Variants in SPATA20 observed in about 807,000 individuals in gnomAD.
SPATA20 encodes spermatogenesis associated 20.
A neutral mutation model predicts 98.9 loss-of-function variants in SPATA20; 74 were observed. The ratio of observed to expected loss-of-function variants is 0.75; its 90% CI spans 0.62 to 0.91. The LOEUF (loss-of-function observed/expected upper bound fraction) is 0.91, where lower values mean the gene tolerates loss of function less well. Among genes scored for constraint, SPATA20 ranks in the 40% least tolerant of loss-of-function variants. The pLI is 0.00. For synonymous variants in SPATA20, 430 were observed against 440.5 expected (o/e 0.98, Z 0.30); for missense variants, 1,016 against 1,069.8 (o/e 0.95, Z 0.70).
At chr17:50,551,731 C>T (rs2144064215) in intron 13 of SPATA20, 52 bp downstream of exon 13, 3 of 1,542,090 alleles carry the variant, frequency 1.9e-6, no homozygotes, top group Non-Finnish European at 2.6e-6. Flanking sequence ...CGTCCCCAGC[C>T]TACCTCTGCC....
rs565106961 is a variant in SPATA20, at chr17:50,549,940, C to T, written c.863-45C>T. 3.3e-6 allele frequency: 5 copies of T among 1,519,968 alleles called. No homozygotes were observed. In the Admixed American group the frequency reaches 1.1e-4, roughly 32 times the overall value. 94.2% of individuals were successfully genotyped at this position (1,519,968 alleles called of 1,614,324 possible). On this transcript the variant is annotated intron_variant, in intron 7 of 16. Coordinates refer to ENST00000006658, the MANE Select transcript of SPATA20 (RefSeq NM_022827.4). ...CTCCTGACCACCCCGATCTCTGTCC[C>T]CACTTTCCCATTCTCTCACCTGCAT...
chr17:50,551,621 G>T lies in SPATA20; in HGVS notation c.1687G>T (p.Ala563Ser). The T allele has an allele frequency of 6.2e-7, 1 of 1,604,078 alleles. No homozygotes were observed. The highest frequency in any genetic ancestry group is 8.5e-7 in the Non-Finnish European group (1 of 1,172,168). The change falls in exon 13 of 17, where the codon GCC (alanine) becomes TCC (serine). Residue 563 changes from alanine to serine, a missense_variant. By Grantham distance (99) the Ala-to-Ser change is moderately conservative. Transcript: ENST00000006658. ...CCTGAAGCGGCACATGTTTGATGTG[G>T]CCAGTGGCCGCCTGATGCGGACCTG... is the stretch of plus-strand genomic sequence containing the variant. ...KFLKRHMFDV[A>S]SGRLMRTCYT...
Position 50,555,581 on chromosome 17 carries a change from C to T in SPATA20, c.2328C>T (p.Ala776=), listed in dbSNP as rs376087219. ...LSTLRRLEDQ[A]TAYVCENQAC... ...CCCTCCGACGGTTGGAAGACCAGGCCACTGCATATGTGTGTGAGAATCAAG... is the reference window on the plus strand; with the variant it reads ...CCCTCCGACGGTTGGAAGACCAGGCTACTGCATATGTGTGTGAGAATCAAG... The change falls in exon 17 of 17, where the codon GCC becomes GCT. Residue 776 remains alanine, a synonymous_variant. Transcript: ENST00000006658. The T allele has an allele frequency of 3.1e-6, 5 of 1,614,092 alleles. No homozygotes were observed. Among genetic ancestry groups the T allele is most frequent in the Non-Finnish European group, 3.4e-6 (4 of 1,180,002 alleles).
In SPATA20 at chr17:50,548,580, A is replaced by G; in HGVS notation, c.323A>G (p.Asp108Gly). Residue 108 changes from aspartate to glycine, a missense_variant, in exon 4 of 17, where the codon GAC becomes GGC. Coordinates refer to ENST00000006658, the MANE Select transcript of SPATA20 (RefSeq NM_022827.4). The part of the protein sequence containing the change: ...DWYPWGQEAF[D>G]KARKENKPIF... The stretch of plus-strand genomic sequence containing the variant: ...TACCCCTGGGGACAGGAAGCCTTCG[A>G]CAAGGCCAGGAAGGAAAACAAGCCG... 6.2e-7 allele frequency: 1 copy of G among 1,613,640 alleles called. No homozygotes were observed. Among genetic ancestry groups the G allele is most frequent in the Non-Finnish European group, 8.5e-7 (1 of 1,179,858 alleles).
Position 50,549,308 on chromosome 17 carries a change from T to C in SPATA20, c.683T>C (p.Leu228Pro), listed in dbSNP as rs1156541720. The C allele has an allele frequency of 1.2e-6, 2 of 1,612,296 alleles. No homozygotes were observed. Among genetic ancestry groups the C allele is most frequent in the African/African-American group, 1.3e-5 (1 of 74,914 alleles). Residue 228 changes from leucine (L) to proline (P), a missense_variant, in exon 7 of 17, where the codon CTG becomes CCG. Coordinates refer to ENST00000006658, the MANE Select transcript of SPATA20 (RefSeq NM_022827.4). ...REQWKQNKNT[L>P]LENSQRVTTA... Reference sequence around the variant, plus strand: ...CAGTGGAAACAGAACAAGAACACCCTGCTAGAAAATAGCCAGCGTGTCACC... The same window carrying C: ...CAGTGGAAACAGAACAAGAACACCCCGCTAGAAAATAGCCAGCGTGTCACC...
rs182096575 is a variant in SPATA20 at position 50,554,453 on chromosome 17, G to A, written c.2157+3G>A. 3.5e-5 allele frequency: 56 copies of A among 1,609,094 alleles called. No homozygotes were observed. The highest frequency in any genetic ancestry group is 1.8e-4 in the East Asian group (8 of 44,884). ...CCCAGCAGCAGACCCTCAAGCAGGTGGGGGGTGAGGGCATCTGGGCTGGGA... is the reference window on the plus strand; with the variant it reads ...CCCAGCAGCAGACCCTCAAGCAGGTAGGGGGTGAGGGCATCTGGGCTGGGA... On this transcript the variant is annotated splice_donor_region_variant and intron_variant, in intron 15 of 16. Transcript: ENST00000006658.
rs1411730674 is a variant in SPATA20 at position 50,547,294 on chromosome 17, G to A, written c.77+9G>A. ...CTCGCCGCGAGCCGCAGGTACGGGC[G>A]GGCGAGCGGGCCCCTAGGGCACTCC... On this transcript the variant is annotated intron_variant, in intron 1 of 16. Coordinates refer to ENST00000006658, the MANE Select transcript of SPATA20 (RefSeq NM_022827.4). 4 of 1,376,002 alleles carry A rather than the reference G, an allele frequency of 2.9e-6. No homozygotes were observed. Among genetic ancestry groups the A allele is most frequent in the Non-Finnish European group, 3.7e-6 (4 of 1,072,180 alleles). 85.2% of individuals were successfully genotyped at this position (1,376,002 alleles called of 1,614,324 possible). A position where few individuals can be genotyped will look rare whatever the true frequency, so the allele number is the denominator to read the frequency against.
intron 5 of SPATA20, 28 bp from the exon 6 acceptor site, chr17:50,549,015 C>CCCCTCA: frequency 6.2e-7 from 1 of 1,613,914 alleles, no homozygotes; most frequent in Admixed American, 1.7e-5. Flanking sequence ...CAGAGCAGCT[C>CCCCTCA]CCCTCACCCT....
chr17:50,553,816 G>A (rs1298904927), intron 14 of SPATA20, among the ~76,000 whole-genome samples: 1 of 152,210 alleles, frequency 6.6e-6, no homozygotes, highest in African/African-American at 2.4e-5. Flanking sequence ...AGTCCAGGCA[G>A]GCATTGGTGA....
chr17:50,547,906 G>A (rs2034939927), intron 2 of SPATA20, 139 bp downstream of exon 2: 2 of 1,427,686 alleles, frequency 1.4e-6, no homozygotes, highest in Admixed American at 2.0e-5. Flanking sequence ...ACCCAGGCCT[G>A]CCAGAGAGAT....
Position 50,551,505 on chromosome 17 carries a change from C to T in SPATA20, c.1577-6C>T, listed in dbSNP as rs189896918. ...TCTTACCACTACTTGTCTCTCCTGG[C>T]TCCAGGCTTGATGGTGTCAGGCTAT... On this transcript the variant is annotated splice_polypyrimidine_tract_variant and splice_region_variant and intron_variant, in intron 12 of 16. Transcript: ENST00000006658. 5.7e-6 allele frequency: 9 copies of T among 1,588,896 alleles called. No individual in the cohort carries two copies. Among genetic ancestry groups the T allele is most frequent in the South Asian group, 5.5e-5 (5 of 90,218 alleles).
chr17:50,547,176 C>A lies in SPATA20; in HGVS notation c.-33C>A. On this transcript the variant is annotated 5_prime_UTR_variant, in exon 1 of 17. Coordinates refer to ENST00000006658, the MANE Select transcript of SPATA20 (RefSeq NM_022827.4). Reference sequence around the variant, plus strand: ...GCAGCCTCCTGACTTCCCTTCCTGTCCTCAGCGGCCGGGCCCACGGCCCCG... The same window carrying A: ...GCAGCCTCCTGACTTCCCTTCCTGTACTCAGCGGCCGGGCCCACGGCCCCG... The A allele has an allele frequency of 7.1e-7, 1 of 1,411,158 alleles. No homozygotes were observed. The highest frequency in any genetic ancestry group is 1.5e-5 in the South Asian group (1 of 66,430). 87.4% of individuals were successfully genotyped at this position (1,411,158 alleles called of 1,614,324 possible).
intron 15 of SPATA20, 32 bp downstream of exon 15, chr17:50,554,482 C>A (rs779349351): frequency 6.2e-7 from 1 of 1,600,362 alleles, no homozygotes; most frequent in Non-Finnish European, 8.5e-7. Context: ...GCTGGGACCT[C>A]GGGTAGGAGG....
chr17:50,548,195 G>T (rs763341472), intron 2 of SPATA20, 88 bp from the exon 3 acceptor site: 1 of 1,535,086 alleles, frequency 6.5e-7, no homozygotes, highest in Non-Finnish European at 8.7e-7. Flanking sequence ...TCCTACTGGG[G>T]TGCTGAGTGA....
At chr17:50,547,313 G>A (rs1172043498) in intron 1 of SPATA20, 28 bp downstream of exon 1, 1 of 1,406,400 alleles carries the variant, frequency 7.1e-7, no homozygotes, top group Non-Finnish European at 9.2e-7. Context: ...GGCCCCTAGG[G>A]CACTCCCTGC....
Position 50,548,350 on chromosome 17 carries a change from G to A in SPATA20, c.193G>A (p.Gly65Arg). 7.4e-6 allele frequency: 12 copies of A among 1,612,858 alleles called. No homozygotes were observed. Among genetic ancestry groups the A allele is most frequent in the Non-Finnish European group, 1.0e-5 (12 of 1,179,572 alleles). The change falls in exon 3 of 17, where the codon GGG becomes AGG. Residue 65 changes from glycine to arginine, a missense_variant. Gly to Arg is a moderately radical substitution (Grantham distance 125, BLOSUM62 -2). Coordinates refer to ENST00000006658, the MANE Select transcript of SPATA20 (RefSeq NM_022827.4). ...TAGTTCAGTGCCCATGCCTGCTGGA[G>A]GGAAAGGAAGCCATCCTTCATCTAC... is the stretch of plus-strand genomic sequence containing the variant. ...VSSSVPMPAG[G>R]KGSHPSSTPQ...
chr17:50,548,106 C>A, intron 2 of SPATA20, 177 bp from the exon 3 acceptor site: 1 of 1,506,542 alleles, frequency 6.6e-7, no homozygotes, highest in Admixed American at 2.2e-5. Flanking sequence ...CTCCTCACCC[C>A]CCAAAAAACA....
chr17:50,547,725 C>A lies in SPATA20; in HGVS notation c.83C>A (p.Pro28His). Residue 28 changes from proline (P) to histidine (H), a missense_variant, in exon 2 of 17, where the codon CCT becomes CAT. Coordinates refer to ENST00000006658, the MANE Select transcript of SPATA20 (RefSeq NM_022827.4). ...TGAGGTCTCTGATTCCCTAGGTGTC[C>A]TGGAGTCTGGCCCAGGACCTGGCCC... Reference protein sequence around the residue: ...GAGLAASRRCPGVWPRTWPHR... With the variant: ...GAGLAASRRCHGVWPRTWPHR... 1.3e-6 allele frequency: 1 copy of A among 781,336 alleles called. No individual in the cohort carries two copies. The allele number at this position is 781,336 out of a possible 1,614,324, so 48.4% of individuals were successfully genotyped here.
chr17:50,554,041 G>A (rs1372493822), intron 14 of SPATA20, among the ~76,000 whole-genome samples: 2 of 152,172 alleles, frequency 1.3e-5, no homozygotes, highest in African/African-American at 4.8e-5. Flanking sequence ...TTGAGGCTAG[G>A]ACAGGTAGAG....
Sources: allele counts gnomAD v4.1 joint callset (sites outside exome capture counted in the v4.1 genomes callset), GRCh38; gene constraint gnomAD v4.1.1; transcripts MANE v1.5; gene names NCBI Gene and HGNC (gene_info 2026-07-23, HGNC 2026-07-21).